The following DLGAP2 variants were observed in gnomAD, a reference collection of about 807,000 sequenced individuals.
DLGAP2 encodes the protein disks large-associated protein 2.
DLGAP2 carries 26 observed loss-of-function variants against 100.3 expected under a neutral mutation model. That is an observed-to-expected ratio of 0.26 (90% CI 0.19 to 0.36). The LOEUF (loss-of-function observed/expected upper bound fraction) is 0.36. Among genes scored for constraint, DLGAP2 ranks in the 10% least tolerant of loss-of-function variants. The pLI is 1.00. For synonymous variants in DLGAP2, 886 were observed against 630.1 expected, an observed-to-expected ratio of 1.41 and a Z score of -6.08; for missense variants, 1,858 against 1,453.2, an observed-to-expected ratio of 1.28 and a Z score of -4.53.
chr8:1,202,331 C>G (rs1326759812), intron 2 of DLGAP2, among the ~76,000 whole-genome samples: 1 of 150,500 alleles, frequency 6.6e-6, no homozygotes. Flanking sequence ...GGGGGTGAGG[C>G]CTGGGCCAGG....
intron 3 of DLGAP2, among the ~76,000 whole-genome samples, chr8:1,462,040 G>A (rs1182423564): frequency 2.9e-5 from 2 of 68,708 alleles, no homozygotes; most frequent in Non-Finnish European, 5.1e-5. Context: ...TGATTTGGTG[G>A]CCAGGAGGAG....
chr8:1,598,137 A>T (rs1796517053), intron 6 of DLGAP2, among the ~76,000 whole-genome samples: 1 of 152,178 alleles, frequency 6.6e-6, no homozygotes. Flanking sequence ...GGTTTTTGTC[A>T]TTGGTTCTGT....
intron 1 of DLGAP2, among the ~76,000 whole-genome samples, chr8:807,812 G>A (rs1195663452): frequency 6.6e-6 from 1 of 152,184 alleles, no homozygotes; most frequent in East Asian, 1.9e-4. Context: ...TGAACTTAAA[G>A]CTACTTTCAA....
rs1799572551 is a variant in DLGAP2 at position 1,701,563 on chromosome 8, C to T, written c.*157C>T. ...GACACAGCGGGACGCGGCCGGCGGCCTCAGAGTCCACGGAGCTCGCGGCGA... is the reference window on the plus strand; with the variant it reads ...GACACAGCGGGACGCGGCCGGCGGCTTCAGAGTCCACGGAGCTCGCGGCGA... On this transcript the variant is annotated 3_prime_UTR_variant, in exon 15 of 15. Transcript: ENST00000637795. 3 of 776,982 alleles carry T rather than the reference C, an allele frequency of 3.9e-6. No homozygotes were observed. Among genetic ancestry groups the T allele is most frequent in the African/African-American group, 1.8e-5 (1 of 56,126 alleles). 48.1% of individuals were successfully genotyped at this position (776,982 alleles called of 1,614,324 possible).
Position 1,164,266 on chromosome 8 carries a change from C to T in DLGAP2, c.74-94585C>T, listed in dbSNP as rs896593478. Among the ~76,000 whole-genome samples the T allele has an allele frequency of 1.9e-4, 21 of 109,872 alleles. 1 individual carries two copies. Among genetic ancestry groups the T allele is most frequent in the African/African-American group, 3.5e-4 (11 of 31,608 alleles). 72.1% of individuals were successfully genotyped at this position (109,872 alleles called of 152,430 possible). A position where few individuals can be genotyped will look rare whatever the true frequency, so the allele number is the denominator to read the frequency against. ...TTCTGTGAGCCCCCCCAGGGCCCCT[C>T]GTTTTGGTTTGTGGGGACTGATTGT... On this transcript the variant is annotated intron_variant, in intron 2 of 14. Coordinates refer to ENST00000637795, the MANE Select transcript of DLGAP2 (RefSeq NM_001346810.2).
chr8:802,871 C>G (rs1330486294), intron 1 of DLGAP2, among the ~76,000 whole-genome samples: 1 of 152,170 alleles, frequency 6.6e-6, no homozygotes, highest in African/African-American at 2.4e-5. Context: ...AGTGAGCAGA[C>G]TCCGAGCAGA....
intron 1 of DLGAP2, among the ~76,000 whole-genome samples, chr8:767,262 T>C (rs554487449): frequency 2.0e-5 from 3 of 151,486 alleles, no homozygotes; most frequent in African/African-American, 7.3e-5. Context: ...ACCAGCCTGG[T>C]GAGCCACAGT....
chr8:852,914 AT>A (rs1797208588), intron 1 of DLGAP2, among the ~76,000 whole-genome samples: 1 of 151,862 alleles, frequency 6.6e-6, no homozygotes, highest in South Asian at 2.1e-4. Context: ...TCTGCAACAG[AT>A]TTTGGTAAAA....
chr8:1,199,067 T>C (rs1184634094), intron 2 of DLGAP2, among the ~76,000 whole-genome samples: 1 of 152,236 alleles, frequency 6.6e-6, no homozygotes, highest in Non-Finnish European at 1.5e-5. Flanking sequence ...TCCAGACTGC[T>C]CAGTTTAGAA....
intron 2 of DLGAP2, among the ~76,000 whole-genome samples, chr8:1,008,799 C>T (rs1417276415): frequency 6.6e-6 from 1 of 152,242 alleles, no homozygotes; most frequent in Non-Finnish European, 1.5e-5. Flanking sequence ...TGCTGCGCCC[C>T]CACTGGTGTG....
intron 8 of DLGAP2, among the ~76,000 whole-genome samples, chr8:1,649,162 CA>C (rs2130806937): frequency 1.3e-5 from 2 of 152,312 alleles, no homozygotes; most frequent in Admixed American, 1.3e-4. Context: ...TTAAGATGTC[CA>C]AAAGCCAATG....
chr8:856,971 A>C (rs1366037676), intron 1 of DLGAP2, among the ~76,000 whole-genome samples: 1 of 152,244 alleles, frequency 6.6e-6, no homozygotes, highest in Admixed American at 6.5e-5. Flanking sequence ...CTCAAGACTT[A>C]CTGGAAAGCT....
intron 2 of DLGAP2, among the ~76,000 whole-genome samples, chr8:1,090,052 C>G (rs181371866): frequency 1.4e-5 from 2 of 138,978 alleles, no homozygotes; most frequent in African/African-American, 5.5e-5. Flanking sequence ...ACTCATACCC[C>G]GAGGACCTGC....
At chr8:778,224 G>A (rs1302582831) in intron 1 of DLGAP2, among the ~76,000 whole-genome samples, 1 of 151,910 alleles carries the variant, frequency 6.6e-6, no homozygotes. Context: ...TCTCTGTATT[G>A]GTTATTCTAG....
At chr8:1,214,316 C>T (rs1465555898) in intron 2 of DLGAP2, among the ~76,000 whole-genome samples, 1 of 152,220 alleles carries the variant, frequency 6.6e-6, no homozygotes, top group East Asian at 1.9e-4. Flanking sequence ...ACCTGCGGCC[C>T]CGCCACTCAG....
rs567629206 is a variant in DLGAP2 at position 1,599,068 on chromosome 8, C to T, written c.1443-27672C>T. ...TCCCAGAGATTCTGGTATGTTGTGT[C>T]TTTGTTATTGTTGGTTCCAAAGAAC... On this transcript the variant is annotated intron_variant, in intron 6 of 14. Coordinates refer to ENST00000637795, the MANE Select transcript of DLGAP2 (RefSeq NM_001346810.2). 3.3e-5 allele frequency among the ~76,000 whole-genome samples: 5 copies of T among 152,260 alleles called. No homozygotes were observed. The East Asian group carries it at 7.7e-4, about 23-fold the overall frequency.
chr8:1,553,721 A>T (rs1801861575), intron 5 of DLGAP2, among the ~76,000 whole-genome samples: 1 of 152,094 alleles, frequency 6.6e-6, no homozygotes, highest in Non-Finnish European at 1.5e-5. Context: ...CATTCGCTGA[A>T]GGACGTGTTG....
At chr8:916,616 CTGCACGTTG>C (rs1798598751) in intron 2 of DLGAP2, among the ~76,000 whole-genome samples, 1 of 152,072 alleles carries the variant, frequency 6.6e-6, no homozygotes, top group African/African-American at 2.4e-5. Flanking sequence ...TGTAACAAAC[CTGCACGTTG>C]TGCACATGTA....
chr8:1,496,867 G>C (rs1055908970), intron 3 of DLGAP2, among the ~76,000 whole-genome samples: 13 of 152,182 alleles, frequency 8.5e-5, no homozygotes, highest in Admixed American at 7.9e-4. Context: ...TTGACTCCAA[G>C]GAAGCACCAG....
Sources: gnomAD v4.1 joint callset for allele counts (sites outside exome capture counted in the v4.1 genomes callset) on GRCh38, gnomAD v4.1.1 for gene constraint, MANE v1.5 for transcripts, NCBI Gene and HGNC (gene_info 2026-07-23, HGNC 2026-07-21) for gene names.